The following APEX2 variants were observed in gnomAD, a reference collection of about 807,000 sequenced individuals.
APEX2 encodes DNA-(apurinic or apyrimidinic site) endonuclease 2.
Under a neutral mutation model 16.7 loss-of-function variants are expected in APEX2, and 4 were observed. The ratio of observed to expected loss-of-function variants is 0.24; its 90% CI spans 0.12 to 0.55. APEX2 has a LOEUF of 0.55. Ranked by LOEUF, APEX2 falls within the 20% of genes least tolerant of loss-of-function variation. The probability of loss-of-function intolerance (pLI) is 0.94; values close to 1 mark genes in which losing one functional copy is unlikely to be tolerated. For missense variants in APEX2, 357 were observed against 433.6 expected, an observed-to-expected ratio of 0.82 and a Z score of 1.57; for synonymous variants, 181 against 166.9, an observed-to-expected ratio of 1.08 and a Z score of -0.65.
rs186128871 is a variant in APEX2 at position 55,001,778 on chromosome X, A to T, written c.241+149A>T. On this transcript the variant is annotated intron_variant, in intron 2 of 5. Transcript: ENST00000374987. Reference sequence around the variant, plus strand: ...ATAATAGTAAATTACATGAAATATAATTTTTATGGATAGAATTATCCTACT... The same window carrying T: ...ATAATAGTAAATTACATGAAATATATTTTTTATGGATAGAATTATCCTACT... 454 of 480,345 alleles carry T rather than the reference A, an allele frequency of 9.5e-4. 3 individuals carry two copies. The East Asian group carries it at 0.016, about 17-fold the overall frequency. 39.6% of individuals were successfully genotyped at this position (480,345 alleles called of 1,213,427 possible). A position where few individuals can be genotyped will look rare whatever the true frequency, so the allele number is the denominator to read the frequency against.
At position 55,008,425 on chromosome X, in the gene APEX2, A is replaced by C. The variant is rs1474926085; in HGVS notation, c.*990A>C. The C allele has an allele frequency of 9.0e-6, 1 of 110,807 alleles. No individual in the cohort carries two copies. Among genetic ancestry groups the C allele is most frequent in the African/African-American group, 3.3e-5 (1 of 30,391 alleles). 9.1% of individuals were successfully genotyped at this position (110,807 alleles called of 1,213,427 possible). ...GTCTCTACTAAATACAAAAAAATTAACTGGGCGTGGTGGCGCGTGCCTGTA... is the reference window on the plus strand; with the variant it reads ...GTCTCTACTAAATACAAAAAAATTACCTGGGCGTGGTGGCGCGTGCCTGTA... On this transcript the variant is annotated 3_prime_UTR_variant, in exon 6 of 6. Coordinates refer to ENST00000374987, the MANE Select transcript of APEX2 (RefSeq NM_014481.4).
chrX:55,004,002 A>G (rs1450131332), intron 5 of APEX2, 134 bp downstream of exon 5: 1 of 551,134 alleles, frequency 1.8e-6, no homozygotes, highest in African/African-American at 2.3e-5. Flanking sequence ...CTATTCTTAT[A>G]GTACTGAGGA....
chrX:55,000,522 C>T lies in APEX2; in HGVS notation c.100C>T (p.Arg34Cys). Residue 34 changes from arginine (R) to cysteine (C), a missense_variant, in exon 1 of 6, where the codon CGC (arginine) becomes TGC (cysteine). Transcript: ENST00000374987. ...CAACTGTGCCGCCGTGGCCGTGGGG[C>T]GCATTTTGGACGAGCTGGATGCGGA... Reference protein sequence around the residue: ...PSNCAAVAVGRILDELDADIV... With the variant: ...PSNCAAVAVGCILDELDADIV... The T allele has an allele frequency of 4.1e-6, 5 of 1,210,018 alleles. No individual in the cohort carries two copies. Among genetic ancestry groups the T allele is most frequent in the Non-Finnish European group, 5.6e-6 (5 of 894,640 alleles).
At chrX:55,000,607 A>G in intron 1 of APEX2, 28 bp downstream of exon 1, 1 of 1,174,971 alleles carries the variant, frequency 8.5e-7, no homozygotes, top group Non-Finnish European at 1.1e-6. Flanking sequence ...CAGGATCCCT[A>G]CATACTTTTT....
rs1169560885 is a variant in APEX2 at position 55,007,402 on chromosome X, G to A, written c.1524G>A (p.Arg508=). The change falls in exon 6 of 6, where the codon CGG becomes CGA. Residue 508 remains arginine, a synonymous_variant. Coordinates refer to ENST00000374987, the MANE Select transcript of APEX2 (RefSeq NM_014481.4). ...GTCCTCCCACTGACCCCTCCTCCCGGTGCAACTTCTTCCTCTGGAGCAGGC... is the reference window on the plus strand; with the variant it reads ...GTCCTCCCACTGACCCCTCCTCCCGATGCAACTTCTTCCTCTGGAGCAGGC... ...PRGPPTDPSS[R]CNFFLWSRPS is the part of the protein sequence containing the mutation. 1.7e-6 allele frequency: 2 copies of A among 1,177,180 alleles called. No individual in the cohort carries two copies. The highest frequency in any genetic ancestry group is 2.3e-6 in the Non-Finnish European group (2 of 877,022).
intron 5 of APEX2, among the ~76,000 whole-genome samples, chrX:55,004,143 A>G (rs756494548): frequency 4.4e-5 from 5 of 112,663 alleles, no homozygotes; most frequent in Non-Finnish European, 9.4e-5. Flanking sequence ...GGCTACAGAC[A>G]CATGGCTAGC....
At chrX:55,000,683 T>C in intron 1 of APEX2, 104 bp downstream of exon 1, 1 of 967,973 alleles carries the variant, frequency 1.0e-6, no homozygotes, top group East Asian at 3.5e-5. Flanking sequence ...ATTCTTAGAG[T>C]CCTGTCCTTA....
rs1292559096 is a variant in APEX2, at chrX:55,001,538, T to A, written c.158-8T>A. On this transcript the variant is annotated splice_polypyrimidine_tract_variant and splice_region_variant and intron_variant, in intron 1 of 5. Coordinates refer to ENST00000374987, the MANE Select transcript of APEX2 (RefSeq NM_014481.4). ...CCTCTGACTTAATCTTACATTTTTT[T>A]TTTCCAGGGGATGCACTGACAGAGC... 8.4e-7 allele frequency: 1 copy of A among 1,189,811 alleles called. No homozygotes were observed. Among genetic ancestry groups the A allele is most frequent in the South Asian group, 1.9e-5 (1 of 53,257 alleles).
At chrX:55,002,221 G>T in intron 2 of APEX2, 30 bp from the exon 3 acceptor site, 3 of 1,157,442 alleles carry the variant, frequency 2.6e-6, no homozygotes, top group South Asian at 2.1e-5. Flanking sequence ...TGACTGCCAG[G>T]TCTGCTCAGA....
In APEX2 at chrX:55,007,216, A is replaced by G; in HGVS notation, c.1338A>G (p.Lys446=). 8.2e-7 allele frequency: 1 copy of G among 1,212,181 alleles called. No homozygotes were observed. Among genetic ancestry groups the G allele is most frequent in the East Asian group, 3.0e-5 (1 of 33,840 alleles). Residue 446 remains lysine (K), a synonymous_variant, in exon 6 of 6, where the codon AAA becomes AAG. Coordinates refer to ENST00000374987, the MANE Select transcript of APEX2 (RefSeq NM_014481.4). The stretch of plus-strand genomic sequence containing the variant: ...GGCAGGCCAAGACTTCAGAAGCCAA[A>G]GATGAGAAGGAGTTACGGACCTCAT... ...VKGQAKTSEA[K]DEKELRTSFW... is the part of the protein sequence containing the mutation.
intron 1 of APEX2, among the ~76,000 whole-genome samples, chrX:55,000,813 A>T (rs1423415138): frequency 9.2e-6 from 1 of 108,914 alleles, no homozygotes; most frequent in Non-Finnish European, 1.9e-5. Flanking sequence ...ATCTAGTCAG[A>T]TTCCCACTCA....
At chrX:55,004,371 C>A (rs1935479430) in intron 5 of APEX2, among the ~76,000 whole-genome samples, 1 of 112,671 alleles carries the variant, frequency 8.9e-6, no homozygotes, top group Non-Finnish European at 1.9e-5. Context: ...GCATGGGGAA[C>A]CACAAGTCCC....
Position 55,006,718 on chromosome X carries a change from G to A in APEX2, c.840G>A (p.Leu280=). The change falls in exon 6 of 6, where the codon CTG becomes CTA. Residue 280 remains leucine, a synonymous_variant. Coordinates refer to ENST00000374987, the MANE Select transcript of APEX2 (RefSeq NM_014481.4). The stretch of plus-strand genomic sequence containing the variant: ...ATGGCTCCCGGCTTGACTATGTGCT[G>A]GGGGACAGGACCCTGGTCATAGACA... ...LNYGSRLDYV[L]GDRTLVIDTF... is the part of the protein sequence containing the mutation. The A allele has an allele frequency of 8.4e-7, 1 of 1,183,534 alleles. No homozygotes were observed. Among genetic ancestry groups the A allele is most frequent in the Non-Finnish European group, 1.1e-6 (1 of 879,138 alleles).
intron 1 of APEX2, among the ~76,000 whole-genome samples, chrX:55,001,318 A>G (rs1469744472): frequency 1.8e-5 from 2 of 109,576 alleles, no homozygotes; most frequent in Non-Finnish European, 1.9e-5. Flanking sequence ...CCTCCACTTC[A>G]TAGTCTCTAA....
intron 1 of APEX2, among the ~76,000 whole-genome samples, chrX:55,000,905 ATTC>A (rs1178408958): frequency 9.2e-6 from 1 of 108,803 alleles, no homozygotes; most frequent in African/African-American, 3.4e-5. Flanking sequence ...AAACCCCCGA[ATTC>A]TTCATCCCTG....
Position 55,000,421 on chromosome X carries a change from A to G in APEX2, c.-2A>G, listed in dbSNP as rs1217154541. The G allele has an allele frequency of 1.7e-6, 2 of 1,183,538 alleles. No homozygotes were observed. Among genetic ancestry groups the G allele is most frequent in the Non-Finnish European group, 2.3e-6 (2 of 880,736 alleles). ...GGCTGGGAGGTGTTCCAGCCCTTTA[A>G]GATGTTGCGCGTGGTGAGCTGGAAC... On this transcript the variant is annotated 5_prime_UTR_variant, in exon 1 of 6. Transcript: ENST00000374987.
chrX:55,004,080 C>T (rs772017384), intron 5 of APEX2, among the ~76,000 whole-genome samples: 1 of 112,770 alleles, frequency 8.9e-6, no homozygotes, highest in South Asian at 3.6e-4. Flanking sequence ...ATACTGAGGA[C>T]TCAGGAGTCA....
intron 2 of APEX2, among the ~76,000 whole-genome samples, chrX:55,001,914 T>TA (rs1160426904): frequency 5.4e-5 from 6 of 111,693 alleles, no homozygotes. Context: ...TCTGGCAAGT[T>TA]ACATTACCTC....
Position 55,008,962 on chromosome X carries a change from A to AAC in APEX2, c.*1529_*1530dup. On this transcript the variant is annotated 3_prime_UTR_variant, in exon 6 of 6. Transcript: ENST00000374987. ...CTGTTGGTAAAATGGAATGGTGACC[A>AAC]ACAAGTGACCTATGGTTACCTCATA... 2.3e-6 allele frequency: 1 copy of AAC among 433,680 alleles called. No individual in the cohort carries two copies. The highest frequency in any genetic ancestry group is 4.0e-6 in the Non-Finnish European group (1 of 249,798). The allele number at this position is 433,680 out of a possible 1,213,427, so 35.7% of individuals were successfully genotyped here. A position where few individuals can be genotyped will look rare whatever the true frequency, so the allele number is the denominator to read the frequency against.
Sources: allele counts gnomAD v4.1 joint callset (sites outside exome capture counted in the v4.1 genomes callset), GRCh38; gene constraint gnomAD v4.1.1; transcripts MANE v1.5; gene names NCBI Gene and HGNC (gene_info 2026-07-23, HGNC 2026-07-21).